Variants in KDM4C observed in about 807,000 individuals in gnomAD.
KDM4C encodes lysine demethylase 4C, also known as lysine-specific demethylase 4C.
KDM4C carries 81 observed loss-of-function variants against 129.3 expected under a neutral mutation model. The observed-to-expected ratio is 0.63, with a 90% CI of 0.52 to 0.75. The LOEUF (loss-of-function observed/expected upper bound fraction) is 0.75. Ranked by LOEUF, KDM4C falls within the 30% of genes least tolerant of loss-of-function variation. The pLI is 0.00. For missense variants in KDM4C, 1,457 were observed against 1,304.0 expected, an observed-to-expected ratio of 1.12 and a Z score of -1.81; for synonymous variants, 573 against 456.1, an observed-to-expected ratio of 1.26 and a Z score of -3.26.
At chr9:6,801,238 AATTTTT>A (rs1828891524) in intron 2 of KDM4C, among the ~76,000 whole-genome samples, 2 of 133,202 alleles carry the variant, frequency 1.5e-5, no homozygotes, top group African/African-American at 5.7e-5. Context: ...TGAGTAGGGA[AATTTTT>A]TTTTTTTTTT....
intron 1 of KDM4C, among the ~76,000 whole-genome samples, chr9:6,773,674 G>A (rs1416973301): frequency 6.6e-6 from 1 of 151,900 alleles, no homozygotes; most frequent in East Asian, 1.9e-4. Context: ...AGGTCGCTGA[G>A]GCAGGAGAAT....
intron 5 of KDM4C, among the ~76,000 whole-genome samples, chr9:6,858,676 AG>A (rs1840350396): frequency 6.6e-6 from 1 of 152,034 alleles, no homozygotes; most frequent in Non-Finnish European, 1.5e-5. Flanking sequence ...AAGAGGCTGT[AG>A]CATGAGAATC....
intron 8 of KDM4C, among the ~76,000 whole-genome samples, chr9:6,923,582 AGG>A (rs1401085520): frequency 6.6e-6 from 1 of 152,222 alleles, no homozygotes; most frequent in Non-Finnish European, 1.5e-5. Context: ...TTATTTGCCG[AGG>A]GATCATCAAG....
At chr9:7,082,340 G>A (rs922033936) in intron 17 of KDM4C, among the ~76,000 whole-genome samples, 3 of 152,182 alleles carry the variant, frequency 2.0e-5, no homozygotes, top group Non-Finnish European at 4.4e-5. Context: ...TTTAGCAAGT[G>A]GGATTCAGCG....
intron 4 of KDM4C, among the ~76,000 whole-genome samples, chr9:6,832,173 C>T (rs1834942633): frequency 6.6e-6 from 1 of 151,544 alleles, no homozygotes. Flanking sequence ...CCCGTCTCTC[C>T]TAAAAAAATA....
rs146396915 is a variant in KDM4C at position 6,782,399 on chromosome 9, C to A, written c.-17-10573C>A. The stretch of plus-strand genomic sequence containing the variant: ...GCTCATTTCCCATCTTCTGCTCCTA[C>A]TAACTTGGGACCTTGAGCAAGCATT... On this transcript the variant is annotated intron_variant, in intron 1 of 21. Coordinates refer to ENST00000381309, the MANE Select transcript of KDM4C (RefSeq NM_015061.6). Among the ~76,000 whole-genome samples the A allele has an allele frequency of 2.2e-4, 33 of 152,310 alleles. No homozygotes were observed. In the East Asian group the frequency reaches 4.8e-3, roughly 22 times the overall value.
intron 1 of KDM4C, among the ~76,000 whole-genome samples, chr9:6,734,243 G>C (rs1382114997): frequency 6.7e-6 from 1 of 148,756 alleles, no homozygotes; most frequent in Non-Finnish European, 1.5e-5. Context: ...CTGGATAAGT[G>C]ATCAGGATGA....
intron 8 of KDM4C, among the ~76,000 whole-genome samples, chr9:6,966,451 T>G (rs1278175901): frequency 6.6e-6 from 1 of 152,246 alleles, no homozygotes; most frequent in Admixed American, 6.5e-5. Context: ...ATTACAGGCG[T>G]GAGCCACCGC....
At chr9:6,770,036 G>A (rs974325488) in intron 1 of KDM4C, among the ~76,000 whole-genome samples, 1 of 152,000 alleles carries the variant, frequency 6.6e-6, no homozygotes, top group Non-Finnish European at 1.5e-5. Flanking sequence ...AAAATTAGCC[G>A]GGCATGGTGG....
chr9:6,926,491 T>C (rs1822586795), intron 8 of KDM4C, among the ~76,000 whole-genome samples: 1 of 152,170 alleles, frequency 6.6e-6, no homozygotes, highest in African/African-American at 2.4e-5. Flanking sequence ...TAATTAAAAT[T>C]ATATGATTGG....
intron 1 of KDM4C, among the ~76,000 whole-genome samples, chr9:6,734,341 C>T (rs936596218): frequency 2.2e-5 from 3 of 137,128 alleles, no homozygotes; most frequent in Non-Finnish European, 4.5e-5. Flanking sequence ...GTTGCCCAGG[C>T]TGGAGTGCAA....
intron 17 of KDM4C, among the ~76,000 whole-genome samples, chr9:7,096,383 A>T (rs1836437497): frequency 6.6e-6 from 1 of 152,190 alleles, no homozygotes; most frequent in South Asian, 2.1e-4. Flanking sequence ...ATTTTCTGCT[A>T]AGAGGGGTCT....
At chr9:7,102,419 G>A (rs1407882943) in intron 17 of KDM4C, among the ~76,000 whole-genome samples, 1 of 140,206 alleles carries the variant, frequency 7.1e-6, no homozygotes, top group Non-Finnish European at 1.5e-5. Context: ...GTGTTGTAAA[G>A]AATCACTCGG....
intron 8 of KDM4C, among the ~76,000 whole-genome samples, chr9:6,914,320 A>T (rs972467468): frequency 2.3e-4 from 35 of 152,176 alleles, no homozygotes; most frequent in Non-Finnish European, 3.2e-4. Context: ...CTGACTCCCA[A>T]AGTGCTGGGA....
intron 8 of KDM4C, among the ~76,000 whole-genome samples, chr9:6,897,540 A>G (rs932349897): frequency 6.6e-6 from 1 of 152,196 alleles, no homozygotes; most frequent in Non-Finnish European, 1.5e-5. Flanking sequence ...TTCTCTAATC[A>G]AAGACAAGAT....
chr9:7,130,989 A>C (rs1265474938), intron 19 of KDM4C, among the ~76,000 whole-genome samples: 2 of 150,472 alleles, frequency 1.3e-5, no homozygotes, highest in Non-Finnish European at 3.0e-5. Context: ...GGCTGGTCTC[A>C]AACTCTTGGG....
At chr9:6,735,022 T>C (rs1817481543) in intron 1 of KDM4C, 7 of 505,886 alleles carry the variant, frequency 1.4e-5, no homozygotes, top group Non-Finnish European at 3.9e-6. Flanking sequence ...ATTGCAGCTA[T>C]TGTAAGAGTT....
intron 19 of KDM4C, among the ~76,000 whole-genome samples, chr9:7,158,346 GTCTC>G (rs1252981199): frequency 6.7e-6 from 1 of 150,244 alleles, no homozygotes; most frequent in Non-Finnish European, 1.5e-5. Flanking sequence ...GGTTTTTTGT[GTCTC>G]TATCTCTTTC....
At chr9:6,894,636 A>G (rs1846571757) in intron 8 of KDM4C, among the ~76,000 whole-genome samples, 1 of 152,230 alleles carries the variant, frequency 6.6e-6, no homozygotes, top group Non-Finnish European at 1.5e-5. Context: ...CCAGAATAGG[A>G]CATTCCAGCC....
Sources: gnomAD v4.1 joint callset for allele counts (sites outside exome capture counted in the v4.1 genomes callset) on GRCh38, gnomAD v4.1.1 for gene constraint, MANE v1.5 for transcripts, NCBI Gene and HGNC (gene_info 2026-07-23, HGNC 2026-07-21) for gene names.